NID1: variants seen among roughly 807,000 people sequenced by gnomAD.
NID1 encodes nidogen-1.
NID1 carries 76 observed loss-of-function variants against 130.6 expected under a neutral mutation model. The observed-to-expected ratio is 0.58, with a 90% CI of 0.48 to 0.70. The LOEUF is 0.70. Among genes scored for constraint, NID1 ranks in the 30% least tolerant of loss-of-function variants. The probability of loss-of-function intolerance (pLI) is 0.00; values close to 1 mark genes in which losing one functional copy is unlikely to be tolerated. For synonymous variants in NID1, 665 were observed against 675.1 expected (o/e 0.98, Z 0.23); for missense variants, 1,517 against 1,664.8 (o/e 0.91, Z 1.54).
At chr1:236,037,820 A>T (rs1311520436) in intron 5 of NID1, among the ~76,000 whole-genome samples, 2 of 152,234 alleles carry the variant, frequency 1.3e-5, no homozygotes, top group Non-Finnish European at 2.9e-5. Context: ...CTTTGTGGCC[A>T]CACACCACGC....
chr1:236,035,846 C>T (rs935664862), intron 5 of NID1, among the ~76,000 whole-genome samples: 1 of 152,028 alleles, frequency 6.6e-6, no homozygotes, highest in Non-Finnish European at 1.5e-5. Flanking sequence ...TGGCCAACAG[C>T]GCAAAAAGGT....
chr1:236,009,617 G>A (rs1220898246), intron 12 of NID1, among the ~76,000 whole-genome samples: 1 of 152,130 alleles, frequency 6.6e-6, no homozygotes, highest in South Asian at 2.1e-4. Flanking sequence ...TACACATGGG[G>A]CCATGCTATA....
At chr1:235,989,441 G>GATGA (rs1657665273) in intron 14 of NID1, among the ~76,000 whole-genome samples, 1 of 152,322 alleles carries the variant, frequency 6.6e-6, no homozygotes, top group Admixed American at 6.5e-5. Flanking sequence ...CAAGGCAATA[G>GATGA]ATGAATACAA....
chr1:236,046,656 T>G (rs536838822), intron 2 of NID1, among the ~76,000 whole-genome samples: 1 of 151,484 alleles, frequency 6.6e-6, no homozygotes, highest in Admixed American at 6.6e-5. Flanking sequence ...TAATTTGGTA[T>G]AGCGGCTGCA....
At chr1:235,982,437 G>A (rs1001709500) in intron 15 of NID1, among the ~76,000 whole-genome samples, 1 of 152,114 alleles carries the variant, frequency 6.6e-6, no homozygotes, top group Non-Finnish European at 1.5e-5. Context: ...GTTCTATCTT[G>A]TTCATTAGCT....
intron 13 of NID1, among the ~76,000 whole-genome samples, chr1:235,992,360 C>T (rs573489091): frequency 6.6e-6 from 1 of 152,338 alleles, no homozygotes; most frequent in South Asian, 2.1e-4. Context: ...TCACCTCCCC[C>T]CGCCAGGGAC....
chr1:236,005,389 C>T (rs1442240329), intron 12 of NID1, among the ~76,000 whole-genome samples: 1 of 151,990 alleles, frequency 6.6e-6, no homozygotes, highest in Non-Finnish European at 1.5e-5. Flanking sequence ...GCATAAATAA[C>T]ACACGATCGT....
In NID1 at chr1:236,026,219, A is replaced by G. The variant is rs1572603953; in HGVS notation, c.1739-78T>C. 14 of 1,569,988 alleles carry G rather than the reference A, an allele frequency of 8.9e-6. No individual in the cohort carries two copies. In the East Asian group the frequency reaches 2.7e-4, roughly 30 times the overall value. On this transcript the variant is annotated intron_variant, in intron 7 of 19. Transcript: ENST00000264187. ...GTTAAGGATGCAAGAAGCTGAATCA[A>G]CGGCTTTCAAGGCACCAGTGGTATT...
intron 1 of NID1, among the ~76,000 whole-genome samples, 167 bp from the exon 2 acceptor site, chr1:236,049,156 G>C (rs1321014399): frequency 6.6e-6 from 1 of 152,114 alleles, no homozygotes; most frequent in Non-Finnish European, 1.5e-5. Context: ...TTCATTTCTA[G>C]GCAAAATGGG....
intron 2 of NID1, among the ~76,000 whole-genome samples, chr1:236,046,410 G>A (rs563951447): frequency 1.4e-4 from 22 of 152,194 alleles, no homozygotes; most frequent in Middle Eastern, 3.4e-3. Context: ...TTTGCAAAGC[G>A]CTGCAGGAGC....
At chr1:236,005,720 A>G (rs1461701496) in intron 12 of NID1, among the ~76,000 whole-genome samples, 2 of 152,214 alleles carry the variant, frequency 1.3e-5, no homozygotes, top group East Asian at 3.8e-4. Flanking sequence ...CAGAAAGGAA[A>G]AGTGGTCAAA....
intron 1 of NID1, among the ~76,000 whole-genome samples, chr1:236,060,098 C>CAA (rs773686621): frequency 8.9e-4 from 45 of 50,546 alleles, no homozygotes; most frequent in South Asian, 2.1e-3. Context: ...GACTCAGTCT[C>CAA]AAAAAAAAAA....
At position 235,981,793 on chromosome 1, in the gene NID1, A is replaced by G. The variant is rs923140169; in HGVS notation, c.3056-11T>C. 48 of 1,584,408 alleles carry G rather than the reference A, an allele frequency of 3.0e-5. No homozygotes were observed. Among genetic ancestry groups the G allele is most frequent in the Non-Finnish European group, 4.0e-5 (47 of 1,165,416 alleles). On this transcript the variant is annotated splice_polypyrimidine_tract_variant and intron_variant, in intron 15 of 19. Coordinates refer to ENST00000264187, the MANE Select transcript of NID1 (RefSeq NM_002508.3). Reference sequence around the variant, plus strand: ...CTGGACTTCCAAGATCTAGAAGTAAACACAGAGCTCCTCTAATTTTTTTTG... The same window carrying G: ...CTGGACTTCCAAGATCTAGAAGTAAGCACAGAGCTCCTCTAATTTTTTTTG...
chr1:236,042,891 T>C lies in NID1; in HGVS notation c.753-599A>G, dbSNP rs569232922. Among the ~76,000 whole-genome samples the C allele has an allele frequency of 2.6e-5, 4 of 152,276 alleles. No individual in the cohort carries two copies. The East Asian group carries it at 7.7e-4, about 29-fold the overall frequency. On this transcript the variant is annotated intron_variant, in intron 3 of 19. Coordinates refer to ENST00000264187, the MANE Select transcript of NID1 (RefSeq NM_002508.3). The stretch of plus-strand genomic sequence containing the variant: ...GAAAGACCAAGGCATGATTAGAAGG[T>C]TGGAATGTCCAGCTTTCCCCACTGC...
intron 5 of NID1, among the ~76,000 whole-genome samples, chr1:236,036,963 C>T (rs1032928709): frequency 6.6e-6 from 1 of 152,146 alleles, no homozygotes; most frequent in African/African-American, 2.4e-5. Flanking sequence ...AAGACCGCAT[C>T]TGAAGGGAGG....
Position 236,002,567 on chromosome 1 carries a change from A to T in NID1, c.2528-8695T>A, listed in dbSNP as rs1186165132. Reference sequence around the variant, plus strand: ...GATAAATCTGCGGTGTGTCCAATACACCCAGCCACAGCAGCCTAGGCGCAG... The same window carrying T: ...GATAAATCTGCGGTGTGTCCAATACTCCCAGCCACAGCAGCCTAGGCGCAG... On this transcript the variant is annotated intron_variant, in intron 12 of 19. Transcript: ENST00000264187. Among the ~76,000 whole-genome samples the T allele has an allele frequency of 2.0e-5, 3 of 152,206 alleles. No individual in the cohort carries two copies. The East Asian group carries it at 5.8e-4, about 29-fold the overall frequency.
At chr1:236,064,693 C>T in intron 1 of NID1, 162 bp downstream of exon 1, 1 of 681,352 alleles carries the variant, frequency 1.5e-6, no homozygotes, top group Non-Finnish European at 2.5e-6. Flanking sequence ...GGAAGACCTT[C>T]GCGGACCCTG....
chr1:235,991,128 C>T, intron 13 of NID1, 70 bp from the exon 14 acceptor site: 1 of 1,301,766 alleles, frequency 7.7e-7, no homozygotes, highest in Non-Finnish European at 1.0e-6. Context: ...CACACACACA[C>T]CCCCACACAC....
At chr1:235,988,847 C>T (rs1387098315) in intron 14 of NID1, among the ~76,000 whole-genome samples, 1 of 152,102 alleles carries the variant, frequency 6.6e-6, no homozygotes, top group Non-Finnish European at 1.5e-5. Flanking sequence ...AGAATCGTGG[C>T]TGCCAGGGGC....
Sources: gnomAD v4.1 joint callset for allele counts (sites outside exome capture counted in the v4.1 genomes callset) on GRCh38, gnomAD v4.1.1 for gene constraint, MANE v1.5 for transcripts, NCBI Gene and HGNC (gene_info 2026-07-23, HGNC 2026-07-21) for gene names.